The following ABI1 variants were observed in gnomAD, a reference collection of about 807,000 sequenced individuals.
The protein encoded by ABI1 is abl interactor 1.
Under a neutral mutation model 54.6 loss-of-function variants are expected in ABI1, and 14 were observed. That is an observed-to-expected ratio of 0.26 (90% CI 0.17 to 0.40). The LOEUF (loss-of-function observed/expected upper bound fraction) is 0.40. ABI1 is among the 10% of genes least tolerant of loss of function. The pLI, the probability that ABI1 is intolerant of heterozygous loss-of-function variation, is 1.00. For synonymous variants in ABI1, 194 were observed against 209.3 expected (o/e 0.93, Z 0.63); for missense variants, 443 against 598.3 (o/e 0.74, Z 2.71).
chr10:26,838,119 G>A lies in ABI1; in HGVS notation c.118-14814C>T, dbSNP rs527984015. Among the ~76,000 whole-genome samples, 16 of 149,838 alleles carry A rather than the reference G, an allele frequency of 1.1e-4. No homozygotes were observed. In the East Asian group the frequency reaches 2.4e-3, roughly 22 times the overall value. ...GCTCACTGCAACCTCCATCTCCTGCGTTCAAGCGATTCTAATGCCTCAGCC... is the reference window on the plus strand; with the variant it reads ...GCTCACTGCAACCTCCATCTCCTGCATTCAAGCGATTCTAATGCCTCAGCC... On this transcript the variant is annotated intron_variant, in intron 1 of 10. Transcript: ENST00000376140.
At chr10:26,750,667 A>C (rs1442055767) in intron 10 of ABI1, among the ~76,000 whole-genome samples, 2 of 152,178 alleles carry the variant, frequency 1.3e-5, no homozygotes, top group African/African-American at 2.4e-5. Context: ...GTGTTCAACT[A>C]AATCACAAGC....
chr10:26,770,248 AGTGTTCCCC>A lies in ABI1; in HGVS notation c.566_574del (p.Arg189_Thr191del). ...CAAAATGTAGTTGAATTCTTACCCC[AGTGTTCCCC>A]GGCCTGACATGGGAGGACTTGGCGG... On this transcript the variant is annotated inframe_deletion, in exon 5 of 11. Coordinates refer to ENST00000376140, the MANE Select transcript of ABI1 (RefSeq NM_001012750.3). 1.2e-6 allele frequency: 2 copies of A among 1,613,028 alleles called. No homozygotes were observed. Among genetic ancestry groups the A allele is most frequent in the Non-Finnish European group, 1.7e-6 (2 of 1,179,054 alleles).
chr10:26,753,744 ATCC>A (rs1011095338), intron 9 of ABI1, among the ~76,000 whole-genome samples: 1 of 152,214 alleles, frequency 6.6e-6, no homozygotes, highest in African/African-American at 2.4e-5. Flanking sequence ...TTTAACACCA[ATCC>A]TCCTAACACA....
chr10:26,857,770 G>A lies in ABI1; in HGVS notation c.117+2977C>T, dbSNP rs147293406. ...AGGCTGAGGTGGGAGGACTGCTTGA[G>A]CCCAGGAGGTCAAGGCTGCAGTGAA... On this transcript the variant is annotated intron_variant, in intron 1 of 10. Transcript: ENST00000376140. Among the ~76,000 whole-genome samples the A allele has an allele frequency of 5.5e-3, 830 of 150,502 alleles. 16 individuals carry two copies. The highest frequency in any genetic ancestry group is 0.019 in the African/African-American group (795 of 40,786).
At chr10:26,805,258 C>T (rs2046808784) in intron 2 of ABI1, among the ~76,000 whole-genome samples, 1 of 151,878 alleles carries the variant, frequency 6.6e-6, no homozygotes, top group African/African-American at 2.4e-5. Flanking sequence ...GACTTTAAAG[C>T]AAGATTAGGC....
rs541696876 is a variant in ABI1, at chr10:26,806,951, T to A, written c.285+16187A>T. On this transcript the variant is annotated intron_variant, in intron 2 of 10. Coordinates refer to ENST00000376140, the MANE Select transcript of ABI1 (RefSeq NM_001012750.3). ...ATAAGAAATCATCATTTGTCCAACA[T>A]GCATGTAATTGCAAGTTTTATCTCA... 4.6e-5 allele frequency among the ~76,000 whole-genome samples: 7 copies of A among 152,356 alleles called. No individual in the cohort carries two copies. The South Asian group carries it at 1.4e-3, about 32-fold the overall frequency.
In ABI1 at chr10:26,755,638, A is replaced by G. The variant is rs1478108332; in HGVS notation, c.1084+17T>C. The G allele has an allele frequency of 6.3e-7, 1 of 1,595,698 alleles. No homozygotes were observed. The highest frequency in any genetic ancestry group is 8.6e-7 in the Non-Finnish European group (1 of 1,163,568). On this transcript the variant is annotated intron_variant, in intron 9 of 10. Transcript: ENST00000376140. ...GACAGCCTCTACTCTTCCATAGCTC[A>G]GTTTTTCCAAACTTACTGTTTTCCT...
intron 2 of ABI1, among the ~76,000 whole-genome samples, chr10:26,792,064 A>G (rs928855459): frequency 6.6e-6 from 1 of 152,188 alleles, no homozygotes; most frequent in African/African-American, 2.4e-5. Flanking sequence ...AAATTAAACA[A>G]TAATTGTTTA....
intron 1 of ABI1, among the ~76,000 whole-genome samples, chr10:26,849,653 C>T (rs2134205341): frequency 6.6e-6 from 1 of 152,262 alleles, no homozygotes. Flanking sequence ...AAGCCTAATA[C>T]TTCAAGGAAA....
At chr10:26,825,132 A>G (rs1040230878) in intron 1 of ABI1, among the ~76,000 whole-genome samples, 3 of 152,166 alleles carry the variant, frequency 2.0e-5, no homozygotes, top group African/African-American at 4.8e-5. Flanking sequence ...TAAGACAACA[A>G]TGAAATTTGC....
At chr10:26,801,918 A>G (rs1162614893) in intron 2 of ABI1, among the ~76,000 whole-genome samples, 5 of 152,256 alleles carry the variant, frequency 3.3e-5, no homozygotes, top group Admixed American at 2.0e-4. Context: ...AAATAGCTAT[A>G]TAATTCAAAT....
At chr10:26,770,126 A>C (rs192820956) in intron 5 of ABI1, 119 bp downstream of exon 5, 4 of 719,558 alleles carry the variant, frequency 5.6e-6, no homozygotes, top group Admixed American at 5.3e-5. Flanking sequence ...TGAATTTGTA[A>C]AAGGTAGCGT....
At chr10:26,769,494 G>A (rs1169272804) in intron 5 of ABI1, among the ~76,000 whole-genome samples, 1 of 151,532 alleles carries the variant, frequency 6.6e-6, no homozygotes, top group Non-Finnish European at 1.5e-5. Flanking sequence ...CAGGGGCAGA[G>A]GGTTTAATGA....
Position 26,833,518 on chromosome 10 carries a change from GA to G in ABI1, c.118-10214del, listed in dbSNP as rs1463768029. Reference sequence around the variant, plus strand: ...ACCTGAAAAACCCCAGCTCTAGAAAGAACTACATTTCAACACATAATCTGTT... The same window carrying G: ...ACCTGAAAAACCCCAGCTCTAGAAAGACTACATTTCAACACATAATCTGTT... On this transcript the variant is annotated intron_variant, in intron 1 of 10. Transcript: ENST00000376140. Among the ~76,000 whole-genome samples, 141 of 152,062 alleles carry G rather than the reference GA, an allele frequency of 9.3e-4. 1 individual carries two copies. The highest frequency in any genetic ancestry group is 3.3e-3 in the African/African-American group (136 of 41,480).
rs1299990494 is a variant in ABI1 at position 26,860,353 on chromosome 10, G to C, written c.117+394C>G. Among the ~76,000 whole-genome samples the C allele has an allele frequency of 6.6e-6, 1 of 152,020 alleles. No individual in the cohort carries two copies. The highest frequency in any genetic ancestry group is 1.5e-5 in the Non-Finnish European group (1 of 67,996). ...ACCTCCTCTCCCGGCGCAGAGAGGC[G>C]GCGCGGCGGCAGCTCGGGGGTATTC... On this transcript the variant is annotated intron_variant, in intron 1 of 10. Transcript: ENST00000376140. The surrounding 1 kb of genome is among the most constrained non-coding windows in gnomAD (Gnocchi z 4.1).
chr10:26,823,026 T>C (rs1400793388), intron 2 of ABI1, 112 bp downstream of exon 2: 4 of 954,084 alleles, frequency 4.2e-6, no homozygotes, highest in Admixed American at 2.9e-5. Flanking sequence ...ACAGTGTTAA[T>C]GATTATCACC....
At chr10:26,853,312 TAAA>T (rs370875442) in intron 1 of ABI1, among the ~76,000 whole-genome samples, 25 of 143,030 alleles carry the variant, frequency 1.7e-4, no homozygotes, top group African/African-American at 6.7e-4. Flanking sequence ...TTTTTTTTTT[TAAA>T]AAAAATCCCT....
Position 26,746,610 on chromosome 10 carries a change from ATTT to A in ABI1, c.*1957_*1959del, listed in dbSNP as rs67302665. 4 of 873,050 alleles carry A rather than the reference ATTT, an allele frequency of 4.6e-6. No individual in the cohort carries two copies. In the African/African-American group the frequency reaches 6.9e-5, roughly 15 times the overall value. The allele number at this position is 873,050 out of a possible 1,614,324, so 54.1% of individuals were successfully genotyped here. On this transcript the variant is annotated 3_prime_UTR_variant, in exon 11 of 11. Transcript: ENST00000376140. ...TATCAAACTTATTGATGGGCAATTT[ATTT>A]TTTTTTATTGCAAAAGTTTTTTCAG...
chr10:26,752,860 A>G (rs1239264186), intron 9 of ABI1, among the ~76,000 whole-genome samples: 1 of 152,174 alleles, frequency 6.6e-6, no homozygotes, highest in Non-Finnish European at 1.5e-5. Flanking sequence ...TGATCAATAA[A>G]TTTCTTTAAA....
Sources: allele counts gnomAD v4.1 joint callset (sites outside exome capture counted in the v4.1 genomes callset), GRCh38; gene constraint gnomAD v4.1.1; non-coding constraint Gnocchi (gnomAD v3.1); transcripts MANE v1.5; gene names NCBI Gene and HGNC (gene_info 2026-07-23, HGNC 2026-07-21).